ISLR2: variants seen among roughly 807,000 people sequenced by gnomAD.
ISLR2 encodes immunoglobulin superfamily containing leucine rich repeat 2.
ISLR2 carries 16 observed loss-of-function variants against 25.5 expected under a neutral mutation model. That is an observed-to-expected ratio of 0.63 (90% CI 0.43 to 0.95). ISLR2 has a LOEUF of 0.95. Among genes scored for constraint, ISLR2 ranks in the 40% least tolerant of loss-of-function variants. ISLR2 has a pLI of 0.00. For missense variants in ISLR2, 883 were observed against 1,030.7 expected (o/e 0.86, Z 1.96); for synonymous variants, 508 against 486.6 (o/e 1.04, Z -0.58).
chr15:74,121,591 A>G (rs2072253040), intron 2 of ISLR2, among the ~76,000 whole-genome samples: 1 of 152,138 alleles, frequency 6.6e-6, no homozygotes, highest in Non-Finnish European at 1.5e-5. Flanking sequence ...ACAGCACAGG[A>G]GGGGAAACTG....
At chr15:74,117,927 T>C (rs2072223380) in intron 2 of ISLR2, among the ~76,000 whole-genome samples, 2 of 152,288 alleles carry the variant, frequency 1.3e-5, no homozygotes, top group Non-Finnish European at 2.9e-5. Flanking sequence ...CCTGGTCTCA[T>C]GGCAGCATCT....
upstream of ISLR2, chr15:74,128,994 C>G (rs2141945374): frequency 2.2e-6 from 1 of 456,722 alleles, no homozygotes; most frequent in African/African-American, 2.0e-5. Context: ...CCTGGCTGTC[C>G]CACCACAGGA....
At chr15:74,109,795 T>C (rs2072151713) in intron 2 of ISLR2, among the ~76,000 whole-genome samples, 1 of 152,092 alleles carries the variant, frequency 6.6e-6, no homozygotes, top group Admixed American at 6.5e-5. Context: ...CAAATTTCCT[T>C]TTATTCATTT....
upstream of ISLR2, chr15:74,128,271 C>G: frequency 2.9e-6 from 1 of 343,436 alleles, no homozygotes; most frequent in South Asian, 2.3e-5. Flanking sequence ...CAGCCCTGCC[C>G]GGGCGGGCAC....
At chr15:74,112,896 C>G (rs2072180585) in intron 2 of ISLR2, among the ~76,000 whole-genome samples, 1 of 148,702 alleles carries the variant, frequency 6.7e-6, no homozygotes, top group Non-Finnish European at 1.5e-5. Context: ...GGCATGATCT[C>G]AGCTCACTGC....
downstream of ISLR2, among the ~76,000 whole-genome samples, chr15:74,140,337 C>T (rs745703884): frequency 2.0e-5 from 3 of 152,166 alleles, no homozygotes; most frequent in Non-Finnish European, 2.9e-5. Context: ...CTGTGACTTC[C>T]TGGTAGACAT....
rs1396902382 is a variant in ISLR2 at position 74,132,292 on chromosome 15, G to A, written c.-8-455G>A. ...CGTCTGTTTGTATTGTTGTGTGCCT[G>A]CATGGGCGTGTGTGCGAGTGCTGTG... On this transcript the variant is annotated intron_variant, in intron 2 of 2. Coordinates refer to ENST00000453268, the MANE Select transcript of ISLR2 (RefSeq NM_020851.3). This position sits in a 1 kb window ranked among gnomAD's most constrained non-coding sequence, Gnocchi z 4.3. Among the ~76,000 whole-genome samples, 1 of 152,228 alleles carries A rather than the reference G, an allele frequency of 6.6e-6. No individual in the cohort carries two copies. The highest frequency in any genetic ancestry group is 2.4e-5 in the African/African-American group (1 of 41,464).
upstream of ISLR2, chr15:74,128,405 CA>C (rs1449087275): frequency 4.4e-6 from 2 of 453,518 alleles, no homozygotes; most frequent in Non-Finnish European, 8.8e-6. Context: ...AGCTCCCGCC[CA>C]GGGGTGGTCA....
At chr15:74,108,416 A>T (rs1395469070) in intron 2 of ISLR2, among the ~76,000 whole-genome samples, 1 of 152,054 alleles carries the variant, frequency 6.6e-6, no homozygotes, top group Non-Finnish European at 1.5e-5. Flanking sequence ...GCACCAGGAT[A>T]CCCTGGGGGA....
rs1204115391 is a variant in ISLR2 at position 74,134,126 on chromosome 15, C to G, written c.1372C>G (p.Arg458Gly). 3.1e-6 allele frequency: 5 copies of G among 1,613,474 alleles called. No individual in the cohort carries two copies. Among genetic ancestry groups the G allele is most frequent in the East Asian group, 2.2e-5 (1 of 44,858 alleles). ...CCTCGCGGACCCGGCGGAGGAGCAG[C>G]GCTGTGGCAACGGGGACCCCTCTCG... is the stretch of plus-strand genomic sequence containing the variant. ...QILADPAEEQ[R>G]CGNGDPSRYV... Residue 458 changes from arginine (R) to glycine (G), a missense_variant, in exon 3 of 3, where the codon CGC (arginine) becomes GGC (glycine). By Grantham distance (125) the Arg-to-Gly change is moderately radical. Transcript: ENST00000453268.
In ISLR2 at chr15:74,133,321, T is replaced by A. The variant is rs1382464960; in HGVS notation, c.567T>A (p.Leu189=). The stretch of plus-strand genomic sequence containing the variant: ...ATCCCTTCCACTGCGGCTGCGGCCT[T>A]GTGTGGCTGCAGGCCTGGGCCGCGA... ...YHNPFHCGCG[L]VWLQAWAAST... The change falls in exon 3 of 3, where the codon CTT becomes CTA. Residue 189 remains leucine, a synonymous_variant. Coordinates refer to ENST00000453268, the MANE Select transcript of ISLR2 (RefSeq NM_020851.3). The A allele has an allele frequency of 6.2e-7, 1 of 1,610,020 alleles. No homozygotes were observed. Among genetic ancestry groups the A allele is most frequent in the Non-Finnish European group, 8.5e-7 (1 of 1,179,868 alleles).
chr15:74,132,832 C>T lies in ISLR2; in HGVS notation c.78C>T (p.Cys26=). 1 of 1,614,074 alleles carries T rather than the reference C, an allele frequency of 6.2e-7. No homozygotes were observed. The highest frequency in any genetic ancestry group is 8.5e-7 in the Non-Finnish European group (1 of 1,179,948). Residue 26 remains cysteine (C), a synonymous_variant, in exon 3 of 3, where the codon TGC becomes TGT. Coordinates refer to ENST00000453268, the MANE Select transcript of ISLR2 (RefSeq NM_020851.3). This position sits in a 1 kb window ranked among gnomAD's most constrained non-coding sequence, Gnocchi z 4.3. ...GATCATGCCCGGAGCCGTGCGCCTGCGTGGACAAGTACGCTCACCAGTTCG... is the reference window on the plus strand; with the variant it reads ...GATCATGCCCGGAGCCGTGCGCCTGTGTGGACAAGTACGCTCACCAGTTCG... ...VAGSCPEPCA[C]VDKYAHQFAD...
downstream of ISLR2, among the ~76,000 whole-genome samples, chr15:74,140,631 T>C (rs114177922): frequency 8.0e-3 from 1,219 of 152,282 alleles, 19 homozygotes; most frequent in African/African-American, 0.028. Flanking sequence ...TACCAGGACA[T>C]AAGAAAGGCC....
At chr15:74,139,205 A>C (rs1409530236), downstream of ISLR2, among the ~76,000 whole-genome samples, 1 of 152,168 alleles carries the variant, frequency 6.6e-6, no homozygotes, top group African/African-American at 2.4e-5. Flanking sequence ...AACCACAGGT[A>C]GGAATGAATA....
chr15:74,134,612 C>A lies in ISLR2; in HGVS notation c.1858C>A (p.His620Asn), dbSNP rs1453598865. 6.2e-7 allele frequency: 1 copy of A among 1,614,120 alleles called. No individual in the cohort carries two copies. Among genetic ancestry groups the A allele is most frequent in the Admixed American group, 1.7e-5 (1 of 60,032 alleles). ...GAACCHLLAKHPGKPYRLILR... is the reference protein window; with the variant it reads ...GAACCHLLAKNPGKPYRLILR... ...CGCCTGCTGCCATCTGCTGGCTAAA[C>A]ACCCGGGCAAGCCCTACCGTCTGAT... The change falls in exon 3 of 3, where the codon CAC becomes AAC. Residue 620 changes from histidine (H) to asparagine (N), a missense_variant. His to Asn is a moderately conservative substitution (Grantham distance 68). Around this residue, in one of 2 missense-constraint regions of ISLR2, gnomAD observed 612 missense variants for 642.8 expected, o/e 0.95. Transcript: ENST00000453268.
Position 74,132,145 on chromosome 15 carries a change from A to T in ISLR2, c.-8-602A>T, listed in dbSNP as rs1311010478. Reference sequence around the variant, plus strand: ...GAGAACAATGAGGTCTGCAGGGTCTATTGTGTCCATGTCTGGGTGCATATG... The same window carrying T: ...GAGAACAATGAGGTCTGCAGGGTCTTTTGTGTCCATGTCTGGGTGCATATG... On this transcript the variant is annotated intron_variant, in intron 2 of 2. Coordinates refer to ENST00000453268, the MANE Select transcript of ISLR2 (RefSeq NM_020851.3). The surrounding 1 kb of genome is among the most constrained non-coding windows in gnomAD (Gnocchi z 4.3). 6.5e-6 allele frequency: 1 copy of T among 154,390 alleles called. No individual in the cohort carries two copies. The highest frequency in any genetic ancestry group is 2.4e-5 in the African/African-American group (1 of 41,460). The allele number at this position is 154,390 out of a possible 1,614,324, so 9.6% of individuals were successfully genotyped here.
intron 2 of ISLR2, among the ~76,000 whole-genome samples, chr15:74,112,652 C>T (rs1336019959): frequency 4.0e-5 from 6 of 151,890 alleles, no homozygotes; most frequent in East Asian, 3.9e-4. Context: ...CTCAGCCTCC[C>T]GAGCAGATGG....
In ISLR2 at chr15:74,136,319, C is replaced by T. The variant is rs1384370427; in HGVS notation, c.*1327C>T. 6.1e-6 allele frequency: 1 copy of T among 164,942 alleles called. No homozygotes were observed. Among genetic ancestry groups the T allele is most frequent in the Non-Finnish European group, 1.5e-5 (1 of 68,228 alleles). 10.2% of individuals were successfully genotyped at this position (164,942 alleles called of 1,614,324 possible). On this transcript the variant is annotated 3_prime_UTR_variant, in exon 3 of 3. Transcript: ENST00000453268. The stretch of plus-strand genomic sequence containing the variant: ...GACTGTGGCCTCCCGGGCCGCGGCT[C>T]TCTGGAGGGCTCGCGCCCTAGTTCG...
In ISLR2 at chr15:74,134,296, C is replaced by T. The variant is rs773990160; in HGVS notation, c.1542C>T (p.Gly514=). 7.9e-6 allele frequency: 12 copies of T among 1,526,442 alleles called. No homozygotes were observed. The highest frequency in any genetic ancestry group is 2.2e-5 in the Admixed American group (1 of 45,258). 94.6% of individuals were successfully genotyped at this position (1,526,442 alleles called of 1,614,324 possible). ...CTGCGCGCTGGGGCCCTGGGCCCGG[C>T]GGGGCTGGCGGAGCCCCGCGACCCG... ...PLAARWGPGP[G]GAGGAPRPGR... Residue 514 remains glycine, a synonymous_variant, in exon 3 of 3, where the codon GGC becomes GGT. Transcript: ENST00000453268.
Sources: allele counts gnomAD v4.1 joint callset (sites outside exome capture counted in the v4.1 genomes callset), GRCh38; gene constraint gnomAD v4.1.1; regional missense constraint gnomAD v4.1.1; non-coding constraint Gnocchi (gnomAD v3.1); transcripts MANE v1.5; gene names NCBI Gene and HGNC (gene_info 2026-07-23, HGNC 2026-07-21).